Variants in NLGN1 observed in about 807,000 individuals in gnomAD.
NLGN1 encodes the protein neuroligin-1.
A neutral mutation model predicts 65.5 loss-of-function variants in NLGN1; 12 were observed. That is an observed-to-expected ratio of 0.18 (90% CI 0.12 to 0.30). The LOEUF (loss-of-function observed/expected upper bound fraction) is 0.30. NLGN1 is among the 10% of genes least tolerant of loss of function. NLGN1 has a pLI of 1.00. For synonymous variants in NLGN1, 350 were observed against 359.5 expected, an observed-to-expected ratio of 0.97 and a Z score of 0.30; for missense variants, 750 against 1,007.1, an observed-to-expected ratio of 0.74 and a Z score of 3.46.
chr3:173,803,199 A>C (rs1420029508), intron 3 of NLGN1, among the ~76,000 whole-genome samples: 1 of 152,188 alleles, frequency 6.6e-6, no homozygotes, highest in Admixed American at 6.5e-5. Flanking sequence ...TGAAGTGACA[A>C]AAATGGTTCA....
At position 173,810,836 on chromosome 3, in the gene NLGN1, A is replaced by G. The variant is rs1162310089; in HGVS notation, c.646+3004A>G. 2.6e-5 allele frequency among the ~76,000 whole-genome samples: 4 copies of G among 152,354 alleles called. No individual in the cohort carries two copies. In the South Asian group the frequency reaches 8.3e-4, roughly 32 times the overall value. On this transcript the variant is annotated intron_variant, in intron 4 of 6. Transcript: ENST00000457714. Reference sequence around the variant, plus strand: ...GTAACAGGTCAGAATTAGTTCTTCTACCGACACCCTTTAGTGGTTTCCTTT... The same window carrying G: ...GTAACAGGTCAGAATTAGTTCTTCTGCCGACACCCTTTAGTGGTTTCCTTT...
intron 3 of NLGN1, among the ~76,000 whole-genome samples, chr3:173,715,408 C>A (rs1421982911): frequency 6.6e-6 from 1 of 152,052 alleles, no homozygotes. Flanking sequence ...CATAAATATG[C>A]CACTTCTTTT....
intron 4 of NLGN1, among the ~76,000 whole-genome samples, chr3:174,025,672 T>C (rs918730540): frequency 1.3e-5 from 2 of 152,106 alleles, no homozygotes; most frequent in Admixed American, 1.3e-4. Context: ...TTTATATCAA[T>C]CAGATGGACA....
intron 4 of NLGN1, among the ~76,000 whole-genome samples, chr3:174,213,498 A>T (rs754884435): frequency 3.3e-5 from 5 of 152,232 alleles, no homozygotes; most frequent in Non-Finnish European, 5.9e-5. Flanking sequence ...AGTAAGCAAT[A>T]AGTAATAACA....
chr3:173,881,419 CTTTTTTTTTTTT>C (rs71162368), intron 4 of NLGN1, among the ~76,000 whole-genome samples: 2 of 80,542 alleles, frequency 2.5e-5, no homozygotes, highest in South Asian at 9.4e-4. Context: ...TGCTCCACTC[CTTTTTTTTTTTT>C]TTTTTTTTTT....
At chr3:174,294,258 T>C in the NLGN1 span, among the ~76,000 whole-genome samples, 1 of 151,810 alleles carries the variant, frequency 6.6e-6, no homozygotes, top group African/African-American at 2.4e-5. Context: ...ATTGTATTTC[T>C]TTTTATATTA....
At chr3:174,230,120 T>G (rs539229213) in intron 4 of NLGN1, among the ~76,000 whole-genome samples, 1 of 152,244 alleles carries the variant, frequency 6.6e-6, no homozygotes, top group African/African-American at 2.4e-5. Flanking sequence ...AATAAGACTC[T>G]CACACTGATA....
intron 3 of NLGN1, among the ~76,000 whole-genome samples, chr3:173,681,969 AACTT>A (rs1764002471): frequency 6.6e-6 from 1 of 152,190 alleles, no homozygotes; most frequent in African/African-American, 2.4e-5. Context: ...TTGTGAAACT[AACTT>A]ACTAAGAATT....
intron 4 of NLGN1, among the ~76,000 whole-genome samples, chr3:173,978,200 C>A (rs1184327882): frequency 6.6e-6 from 1 of 152,094 alleles, no homozygotes; most frequent in Non-Finnish European, 1.5e-5. Context: ...CCTTCATCAT[C>A]AGACAGTGCC....
chr3:173,404,213 T>C (rs1164137880), intron 1 of NLGN1, among the ~76,000 whole-genome samples: 1 of 152,180 alleles, frequency 6.6e-6, no homozygotes, highest in Non-Finnish European at 1.5e-5. Context: ...AATAACTCTT[T>C]CTTCAGTATA....
At chr3:173,546,957 G>C (rs1241360593) in intron 2 of NLGN1, among the ~76,000 whole-genome samples, 3 of 152,082 alleles carry the variant, frequency 2.0e-5, no homozygotes, top group Admixed American at 2.0e-4. Flanking sequence ...AAATTAAACA[G>C]TATAAAATAA....
At chr3:174,151,253 T>C (rs997193140) in intron 4 of NLGN1, among the ~76,000 whole-genome samples, 27 of 152,028 alleles carry the variant, frequency 1.8e-4, no homozygotes, top group Non-Finnish European at 3.4e-4. Context: ...CTTAATAACA[T>C]GTTTTTGTAT....
chr3:173,683,744 CAG>C (rs1469452460), intron 3 of NLGN1, among the ~76,000 whole-genome samples: 2 of 152,126 alleles, frequency 1.3e-5, no homozygotes, highest in Admixed American at 6.6e-5. Flanking sequence ...GTATATGAAA[CAG>C]ATGATAAACT....
intron 2 of NLGN1, among the ~76,000 whole-genome samples, chr3:173,512,491 G>A (rs1042154395): frequency 3.3e-5 from 5 of 152,116 alleles, no homozygotes; most frequent in Admixed American, 1.3e-4. Flanking sequence ...TGACATCCAG[G>A]TGCTTCTTCC....
At chr3:174,033,328 T>A (rs1287178440) in intron 4 of NLGN1, among the ~76,000 whole-genome samples, 1 of 152,168 alleles carries the variant, frequency 6.6e-6, no homozygotes, top group Non-Finnish European at 1.5e-5. Context: ...TAAAAACATC[T>A]AACTCCTAGC....
intron 4 of NLGN1, among the ~76,000 whole-genome samples, chr3:173,925,411 A>G (rs980636573): frequency 6.6e-6 from 1 of 152,166 alleles, no homozygotes; most frequent in Non-Finnish European, 1.5e-5. Flanking sequence ...GAAATAAGAG[A>G]AGAATATACC....
At chr3:174,122,668 T>C (rs1319933205) in intron 4 of NLGN1, among the ~76,000 whole-genome samples, 1 of 152,142 alleles carries the variant, frequency 6.6e-6, no homozygotes. Context: ...TGACGTTGTT[T>C]TTAAGCCAAA....
chr3:173,480,388 C>G (rs773707717), intron 2 of NLGN1, among the ~76,000 whole-genome samples: 1 of 152,066 alleles, frequency 6.6e-6, no homozygotes, highest in African/African-American at 2.4e-5. Flanking sequence ...TAAACCAAAA[C>G]TCACTTTTCC....
chr3:174,209,212 C>T (rs1735984496), intron 4 of NLGN1, among the ~76,000 whole-genome samples: 2 of 152,200 alleles, frequency 1.3e-5, no homozygotes, highest in Admixed American at 6.5e-5. Flanking sequence ...GTGTGAACCA[C>T]CGTGCCCGAC....
Sources: gnomAD v4.1 joint callset for allele counts (sites outside exome capture counted in the v4.1 genomes callset) on GRCh38, gnomAD v4.1.1 for gene constraint, MANE v1.5 for transcripts, NCBI Gene and HGNC (gene_info 2026-07-23, HGNC 2026-07-21) for gene names.